Variants in TRABD2B observed in about 807,000 individuals in gnomAD.
TRABD2B encodes TraB domain containing 2B.
Under a neutral mutation model 40.1 loss-of-function variants are expected in TRABD2B, and 14 were observed. The observed-to-expected ratio is 0.35, with a 90% CI of 0.23 to 0.55. The LOEUF is 0.55. Ranked by LOEUF, TRABD2B falls within the 20% of genes least tolerant of loss-of-function variation. TRABD2B has a pLI of 0.90. For synonymous variants in TRABD2B, 263 were observed against 277.0 expected (o/e 0.95, Z 0.50); for missense variants, 541 against 648.6 (o/e 0.83, Z 1.80).
At chr1:47,851,028 C>G (rs1172261868) in intron 2 of TRABD2B, among the ~76,000 whole-genome samples, 1 of 152,064 alleles carries the variant, frequency 6.6e-6, no homozygotes, top group Non-Finnish European at 1.5e-5. Context: ...TGGTAATGCT[C>G]GCTCACCTGC....
At chr1:47,783,568 G>A (rs945153062) in intron 4 of TRABD2B, among the ~76,000 whole-genome samples, 13 of 152,196 alleles carry the variant, frequency 8.5e-5, no homozygotes, top group African/African-American at 2.2e-4. Flanking sequence ...TAAAAATTGC[G>A]GGGCTGGGAT....
At chr1:47,965,879 ATC>A (rs1285062061) in intron 2 of TRABD2B, among the ~76,000 whole-genome samples, 1 of 152,168 alleles carries the variant, frequency 6.6e-6, no homozygotes, top group Non-Finnish European at 1.5e-5. Flanking sequence ...GAAAGGAAGA[ATC>A]TCTGACTCTC....
At chr1:47,924,361 A>G (rs1247821851) in intron 2 of TRABD2B, among the ~76,000 whole-genome samples, 1 of 152,188 alleles carries the variant, frequency 6.6e-6, no homozygotes, top group East Asian at 1.9e-4. Context: ...AATGAAAAGT[A>G]CAACTTAGGG....
At position 47,774,225 on chromosome 1, in the gene TRABD2B, C is replaced by T. The variant is rs1213627122; in HGVS notation, c.1349+945G>A. Among the ~76,000 whole-genome samples, 6 of 152,054 alleles carry T rather than the reference C, an allele frequency of 3.9e-5. No homozygotes were observed. In the South Asian group the frequency reaches 6.2e-4, roughly 16 times the overall value. The stretch of plus-strand genomic sequence containing the variant: ...GCCAAGGTGATTCTCTCTAGGGTTT[C>T]GGGGGAAAATCCTGGATGGCGATCT... On this transcript the variant is annotated intron_variant, in intron 6 of 6. Coordinates refer to ENST00000606738, the MANE Select transcript of TRABD2B (RefSeq NM_001194986.2).
rs116279634 is a variant in TRABD2B, at chr1:47,769,612, C to T, written c.1350-3506G>A. The stretch of plus-strand genomic sequence containing the variant: ...AGTCCCCCAGTCCAGATCCCCACCC[C>T]TTCCTAGGCTCACAATGGGGGAAAC... On this transcript the variant is annotated intron_variant, in intron 6 of 6. Coordinates refer to ENST00000606738, the MANE Select transcript of TRABD2B (RefSeq NM_001194986.2). Among the ~76,000 whole-genome samples, 662 of 152,344 alleles carry T rather than the reference C, an allele frequency of 4.3e-3. 5 individuals carry two copies. The highest frequency in any genetic ancestry group is 0.015 in the African/African-American group (606 of 41,574).
At chr1:47,949,251 T>G (rs546915005) in intron 2 of TRABD2B, among the ~76,000 whole-genome samples, 1 of 152,100 alleles carries the variant, frequency 6.6e-6, no homozygotes, top group Non-Finnish European at 1.5e-5. Context: ...ATTTTACAGA[T>G]GAGGAAACTG....
intron 2 of TRABD2B, among the ~76,000 whole-genome samples, chr1:47,861,612 G>C (rs866153903): frequency 3.9e-5 from 6 of 152,158 alleles, no homozygotes; most frequent in African/African-American, 1.4e-4. Context: ...AAAGAAATTG[G>C]ATCGATAATT....
intron 2 of TRABD2B, among the ~76,000 whole-genome samples, chr1:47,802,752 C>T (rs1011135097): frequency 2.0e-5 from 3 of 152,134 alleles, no homozygotes; most frequent in East Asian, 1.9e-4. Flanking sequence ...GCACCAGTCC[C>T]GCCCATCTCC....
intron 2 of TRABD2B, among the ~76,000 whole-genome samples, chr1:47,959,842 C>A (rs1286787290): frequency 6.6e-6 from 1 of 152,130 alleles, no homozygotes; most frequent in Non-Finnish European, 1.5e-5. Flanking sequence ...AAAAGGGAAT[C>A]CTCCCTAACT....
intron 2 of TRABD2B, among the ~76,000 whole-genome samples, chr1:47,849,862 C>G (rs1161106990): frequency 6.6e-6 from 1 of 152,212 alleles, no homozygotes; most frequent in African/African-American, 2.4e-5. Flanking sequence ...GCTCCATCCC[C>G]ACCCACTGCA....
At chr1:47,841,055 G>A (rs1645389818) in intron 2 of TRABD2B, among the ~76,000 whole-genome samples, 1 of 152,304 alleles carries the variant, frequency 6.6e-6, no homozygotes, top group African/African-American at 2.4e-5. Flanking sequence ...AACACTGACA[G>A]TGTCCTTGCC....
intron 2 of TRABD2B, among the ~76,000 whole-genome samples, chr1:47,918,579 C>T (rs1221299708): frequency 2.0e-5 from 3 of 152,186 alleles, no homozygotes; most frequent in African/African-American, 7.2e-5. Flanking sequence ...TGAATACCCC[C>T]TCCCTCCTTC....
At chr1:47,778,326 C>A in intron 5 of TRABD2B, 128 bp downstream of exon 5, 1 of 701,316 alleles carries the variant, frequency 1.4e-6, no homozygotes, top group East Asian at 2.7e-5. Context: ...TCCAGCCCAG[C>A]CTTTCCATTC....
chr1:47,896,729 G>A (rs1044934791), intron 2 of TRABD2B, among the ~76,000 whole-genome samples: 2 of 152,156 alleles, frequency 1.3e-5, no homozygotes, highest in African/African-American at 4.8e-5. Flanking sequence ...ATTCCGACTG[G>A]CCTGGGTTCT....
At chr1:47,940,226 C>T (rs1645167927) in intron 2 of TRABD2B, among the ~76,000 whole-genome samples, 1 of 152,124 alleles carries the variant, frequency 6.6e-6, no homozygotes, top group African/African-American at 2.4e-5. Flanking sequence ...CCCCTGGCTC[C>T]CAGGTAGAAT....
chr1:47,815,972 C>T (rs1040471220), intron 2 of TRABD2B, among the ~76,000 whole-genome samples: 1 of 152,100 alleles, frequency 6.6e-6, no homozygotes, highest in Non-Finnish European at 1.5e-5. Context: ...AGGTGCTGTG[C>T]GGGGGTCCTG....
At position 47,994,204 on chromosome 1, in the gene TRABD2B, C is replaced by T. The variant is rs987993543; in HGVS notation, c.496G>A (p.Val166Met). 23 of 1,545,120 alleles carry T rather than the reference C, an allele frequency of 1.5e-5. No homozygotes were observed. Among genetic ancestry groups the T allele is most frequent in the Non-Finnish European group, 1.9e-5 (22 of 1,151,282 alleles). ...GTGAGCGAGTTTACCATGAGCATCA[C>T]CCAGACGGGCCTCTTGCGCTCCCAG... Reference protein sequence around the residue: ...GNWERKRPVWVMLMVNSLTER... With the variant: ...GNWERKRPVWMMLMVNSLTER... Residue 166 changes from valine to methionine, a missense_variant, in exon 2 of 7, where the codon GTG becomes ATG. This residue lies in a region of TRABD2B where 369 missense variants were observed against 492.8 expected (regional missense o/e 0.75). Coordinates refer to ENST00000606738, the MANE Select transcript of TRABD2B (RefSeq NM_001194986.2). The surrounding 1 kb of genome is among the most constrained non-coding windows in gnomAD (Gnocchi z 6.7).
chr1:47,934,196 T>A (rs555985848), intron 2 of TRABD2B, among the ~76,000 whole-genome samples: 5 of 152,384 alleles, frequency 3.3e-5, no homozygotes, highest in African/African-American at 1.2e-4. Context: ...AGTGACTTGC[T>A]GTGAGCCCTC....
At position 47,765,995 on chromosome 1, in the gene TRABD2B, G is replaced by A. The variant is rs776291330; in HGVS notation, c.1461C>T (p.Pro487=). The A allele has an allele frequency of 1.5e-4, 106 of 699,124 alleles. No homozygotes were observed. Among genetic ancestry groups the A allele is most frequent in the Non-Finnish European group, 2.1e-4 (81 of 383,100 alleles). 43.3% of individuals were successfully genotyped at this position (699,124 alleles called of 1,614,324 possible). A position where few individuals can be genotyped will look rare whatever the true frequency, so the allele number is the denominator to read the frequency against. ...CCAGGGTGGGTGCCGAGCTGCTGGC[G>A]GGCCCTGGCGGGTCCTGCTGTTGTA... ...DQLQQQDPPG[P]ASSSAPTLGL... Residue 487 remains proline, a synonymous_variant, in exon 7 of 7, where the codon CCC becomes CCT. Coordinates refer to ENST00000606738, the MANE Select transcript of TRABD2B (RefSeq NM_001194986.2).
Sources: allele counts gnomAD v4.1 joint callset (sites outside exome capture counted in the v4.1 genomes callset), GRCh38; gene constraint gnomAD v4.1.1; regional missense constraint gnomAD v4.1.1; non-coding constraint Gnocchi (gnomAD v3.1); transcripts MANE v1.5; gene names NCBI Gene and HGNC (gene_info 2026-07-23, HGNC 2026-07-21).